LETMD1: variants seen among roughly 807,000 people sequenced by gnomAD.
LETMD1 encodes the protein LETM1 domain-containing protein 1.
Under a neutral mutation model 43.9 loss-of-function variants are expected in LETMD1, and 30 were observed. The ratio of observed to expected loss-of-function variants is 0.68; its 90% CI spans 0.51 to 0.93. The LOEUF (loss-of-function observed/expected upper bound fraction) is 0.93. LETMD1 is among the 40% of genes least tolerant of loss of function. LETMD1 has a pLI of 0.00. For synonymous variants in LETMD1, 176 were observed against 163.1 expected (o/e 1.08, Z -0.60); for missense variants, 413 against 447.7 (o/e 0.92, Z 0.70).
At chr12:51,054,557 C>G (rs1370135945) in intron 4 of LETMD1, among the ~76,000 whole-genome samples, 1 of 152,164 alleles carries the variant, frequency 6.6e-6, no homozygotes, top group Admixed American at 6.5e-5. Flanking sequence ...GTATGGCAGC[C>G]TCAAGATAGT....
Position 51,055,931 on chromosome 12 carries a change from C to A in LETMD1, c.570C>A (p.Ser190=). The A allele has an allele frequency of 6.2e-7, 1 of 1,613,624 alleles. No individual in the cohort carries two copies. The highest frequency in any genetic ancestry group is 2.2e-5 in the East Asian group (1 of 44,876). The change falls in exon 5 of 9, where the codon TCC becomes TCA. Residue 190 remains serine, a synonymous_variant. Coordinates refer to ENST00000262055, the MANE Select transcript of LETMD1 (RefSeq NM_015416.5). The stretch of plus-strand genomic sequence containing the variant: ...TCTATCATGCTTTCCGGAAGCAGTC[C>A]CACCCAGAAATTATTAGTTATTTAG... The part of the protein sequence containing the change: ...LDIYHAFRKQ[S]HPEIISYLEK...
At chr12:51,065,499 T>TC in the LETMD1 span, among the ~76,000 whole-genome samples, 1 of 151,438 alleles carries the variant, frequency 6.6e-6, no homozygotes, top group Non-Finnish European at 1.5e-5. Context: ...AGTTATACCA[T>TC]TTTTTTTTCC....
chr12:51,051,761 G>GA lies in LETMD1; in HGVS notation c.275-329dup, dbSNP rs201738385. Reference sequence around the variant, plus strand: ...GAGATTAAATTAATATCTGGCTGGGGAATACATAGGGTTAATTTAGCAAGA... The same window carrying GA: ...GAGATTAAATTAATATCTGGCTGGGGAAATACATAGGGTTAATTTAGCAAGA... On this transcript the variant is annotated intron_variant, in intron 2 of 8. Transcript: ENST00000262055. Among the ~76,000 whole-genome samples, 10 of 152,302 alleles carry GA rather than the reference G, an allele frequency of 6.6e-5. No homozygotes were observed. The East Asian group carries it at 1.9e-3, about 29-fold the overall frequency.
Position 51,052,260 on chromosome 12 carries a change from A to C in LETMD1, c.390+53A>C, listed in dbSNP as rs758759934. On this transcript the variant is annotated intron_variant, in intron 3 of 8. Coordinates refer to ENST00000262055, the MANE Select transcript of LETMD1 (RefSeq NM_015416.5). ...GTTCATGGTGAGGTAATTACATTTA[A>C]TCAAGATCTCAAGGTTTTTTCTTTC... is the stretch of plus-strand genomic sequence containing the variant. 59 of 1,597,460 alleles carry C rather than the reference A, an allele frequency of 3.7e-5. No individual in the cohort carries two copies. The East Asian group carries it at 1.2e-3, about 32-fold the overall frequency.
At chr12:51,048,293 C>T (rs1179547471), upstream of LETMD1, 1 of 1,610,022 alleles carries the variant, frequency 6.2e-7, no homozygotes, top group Admixed American at 1.7e-5. Flanking sequence ...TTCGAACGAA[C>T]GCGACGTACG....
Position 51,056,457 on chromosome 12 carries a change from G to T in LETMD1, c.870G>T (p.Leu290Phe). Reference sequence around the variant, plus strand: ...TGATTCACCAACTGGACAAGGCTTTGGCAAAGCTGGGGATTGGCCAGCTGA... The same window carrying T: ...TGATTCACCAACTGGACAAGGCTTTTGCAAAGCTGGGGATTGGCCAGCTGA... The part of the protein sequence containing the change: ...TTVIHQLDKA[L>F]AKLGIGQLTA... The change falls in exon 7 of 9, where the codon TTG (leucine) becomes TTT (phenylalanine). Residue 290 changes from leucine to phenylalanine, a missense_variant. Transcript: ENST00000262055. 1 of 1,614,158 alleles carries T rather than the reference G, an allele frequency of 6.2e-7. No individual in the cohort carries two copies. Among genetic ancestry groups the T allele is most frequent in the Non-Finnish European group, 8.5e-7 (1 of 1,180,032 alleles).
intron 2 of LETMD1, among the ~76,000 whole-genome samples, chr12:51,050,257 G>A (rs1166428068): frequency 6.7e-6 from 1 of 149,050 alleles, no homozygotes; most frequent in Non-Finnish European, 1.5e-5. Flanking sequence ...GAGTCTCACC[G>A]TGTCGCCCAG....
intron 8 of LETMD1, 76 bp downstream of exon 8, chr12:51,058,204 T>G: frequency 1.1e-6 from 1 of 930,996 alleles, no homozygotes; most frequent in Non-Finnish European, 1.8e-6. Context: ...ATTTTGGAGT[T>G]AATTATTGAG....
chr12:51,048,321 G>C, upstream of LETMD1: 2 of 1,613,824 alleles, frequency 1.2e-6, no homozygotes, highest in South Asian at 1.1e-5. Context: ...TTGACCCAAA[G>C]ACAACCTCTT....
intron 1 of LETMD1, 59 bp downstream of exon 1, chr12:51,048,537 C>T (rs1944995981): frequency 3.3e-5 from 53 of 1,593,606 alleles, no homozygotes; most frequent in Non-Finnish European, 4.4e-5. Context: ...AGTGTCTCAA[C>T]CTTGCTTGCA....
At chr12:51,062,619 A>T (rs906132810), downstream of LETMD1, 24 of 152,028 alleles carry the variant, frequency 1.6e-4, no homozygotes, top group African/African-American at 5.6e-4. Context: ...TATCATCAAG[A>T]TGGAGGGGTC....
downstream of LETMD1, chr12:51,064,521 C>A (rs770868500): frequency 1.3e-5 from 21 of 1,612,876 alleles, no homozygotes; most frequent in African/African-American, 1.5e-4. Flanking sequence ...GGCTGCTGGG[C>A]GGCTCACCTG....
At chr12:51,055,665 TAAAAAAAAA>T (rs56285797) in intron 4 of LETMD1, 161 bp from the exon 5 acceptor site, 32 of 150,390 alleles carry the variant, frequency 2.1e-4, no homozygotes, top group South Asian at 6.2e-4. Flanking sequence ...CCCTGTCTCT[TAAAAAAAAA>T]AAAAAAAAAA....
chr12:51,064,318 C>G, downstream of LETMD1: 1 of 1,614,040 alleles, frequency 6.2e-7, no homozygotes, highest in Non-Finnish European at 8.5e-7. Flanking sequence ...CCCAGGCTCT[C>G]GATGCTCGAG....
downstream of LETMD1, among the ~76,000 whole-genome samples, chr12:51,060,932 AT>A (rs1227453422): frequency 1.3e-5 from 2 of 151,358 alleles, no homozygotes; most frequent in African/African-American, 4.9e-5. Flanking sequence ...AGTTAATGGA[AT>A]GAGAAAATGG....
At position 51,056,310 on chromosome 12, in the gene LETMD1, A is replaced by T. The variant is rs370183006; in HGVS notation, c.763-40A>T. Reference sequence around the variant, plus strand: ...ATGTTTCAGGTGTTTGCTTGAGCTCATACTATTTGCCTTTCCCCTCCTATG... The same window carrying T: ...ATGTTTCAGGTGTTTGCTTGAGCTCTTACTATTTGCCTTTCCCCTCCTATG... On this transcript the variant is annotated intron_variant, in intron 6 of 8. Coordinates refer to ENST00000262055, the MANE Select transcript of LETMD1 (RefSeq NM_015416.5). The T allele has an allele frequency of 4.3e-5, 70 of 1,613,936 alleles. No homozygotes were observed. In the African/African-American group the frequency reaches 5.2e-4, roughly 12 times the overall value.
At chr12:51,055,269 C>T (rs552369619) in intron 4 of LETMD1, among the ~76,000 whole-genome samples, 75 of 152,216 alleles carry the variant, frequency 4.9e-4, no homozygotes, top group African/African-American at 1.7e-3. Context: ...CTGATTGCTG[C>T]GTGGCAGGCT....
chr12:51,068,108 T>A, the LETMD1 span: 1 of 716,444 alleles, frequency 1.4e-6, no homozygotes, highest in Non-Finnish European at 2.3e-6. Context: ...TGGCAGCTAC[T>A]AGCACATGTG....
chr12:51,068,548 C>T, the LETMD1 span, among the ~76,000 whole-genome samples: 2 of 152,088 alleles, frequency 1.3e-5, no homozygotes, highest in Non-Finnish European at 1.5e-5. Flanking sequence ...ATCTTACGTA[C>T]CATCACCTTT....
Sources: allele counts gnomAD v4.1 joint callset (sites outside exome capture counted in the v4.1 genomes callset), GRCh38; gene constraint gnomAD v4.1.1; transcripts MANE v1.5; gene names NCBI Gene and HGNC (gene_info 2026-07-23, HGNC 2026-07-21).